The following ZMYND11 variants were observed in gnomAD, a reference collection of about 807,000 sequenced individuals.
The protein encoded by ZMYND11 is zinc finger MYND-type containing 11, also known as zinc finger MYND domain-containing protein 11.
In ZMYND11, 9 loss-of-function variants were observed where a neutral mutation model predicts 84.9. That is an observed-to-expected ratio of 0.11 (90% confidence interval 0.06 to 0.18). The LOEUF (loss-of-function observed/expected upper bound fraction) is 0.18. Among genes scored for constraint, ZMYND11 ranks in the 10% least tolerant of loss-of-function variants. The probability of loss-of-function intolerance (pLI) is 1.00; values close to 1 mark genes in which losing one functional copy is unlikely to be tolerated. For missense variants in ZMYND11, 409 were observed against 761.0 expected (o/e 0.54, Z 5.44); for synonymous variants, 250 against 244.1 (o/e 1.02, Z -0.23).
At chr10:158,141 T>C (rs1282805270) in intron 1 of ZMYND11, among the ~76,000 whole-genome samples, 4 of 152,174 alleles carry the variant, frequency 2.6e-5, no homozygotes, top group Admixed American at 2.6e-4. Flanking sequence ...GACATTTGGG[T>C]TTTTTCCACT....
chr10:234,734 GAAC>G (rs1949638434), intron 4 of ZMYND11, among the ~76,000 whole-genome samples: 1 of 152,142 alleles, frequency 6.6e-6, no homozygotes, highest in African/African-American at 2.4e-5. Flanking sequence ...TAAGCGCCAA[GAAC>G]AACGTAGCAA....
At chr10:237,537 C>CT (rs748549759) in intron 5 of ZMYND11, 48 bp from the exon 6 acceptor site, 1 of 1,190,334 alleles carries the variant, frequency 8.4e-7, no homozygotes, top group South Asian at 1.4e-5. Context: ...GATGTCTTAC[C>CT]TGCCTTCCTT....
At chr10:232,404 C>T (rs1332148166) in intron 4 of ZMYND11, among the ~76,000 whole-genome samples, 1 of 152,188 alleles carries the variant, frequency 6.6e-6, no homozygotes, top group African/African-American at 2.4e-5. Flanking sequence ...GAAAGAAAAC[C>T]CTCAAGTTTT....
chr10:252,305 T>A lies in ZMYND11; in HGVS notation c.1687-43T>A. On this transcript the variant is annotated intron_variant, in intron 14 of 14. Coordinates refer to ENST00000381604, the MANE Select transcript of ZMYND11 (RefSeq NM_001370100.5). This position sits in a 1 kb window ranked among gnomAD's most constrained non-coding sequence, Gnocchi z 4.6. ...GCCATTTTAACCAGTCGCTTACACATCCACACCCAAGTCTAAAGACTGCCC... is the reference window on the plus strand; with the variant it reads ...GCCATTTTAACCAGTCGCTTACACAACCACACCCAAGTCTAAAGACTGCCC... The A allele has an allele frequency of 6.2e-7, 1 of 1,608,470 alleles. No homozygotes were observed. The highest frequency in any genetic ancestry group is 1.3e-5 in the African/African-American group (1 of 74,826).
At chr10:219,822 T>TA (rs1270203092) in intron 3 of ZMYND11, among the ~76,000 whole-genome samples, 4 of 152,178 alleles carry the variant, frequency 2.6e-5, no homozygotes, top group Admixed American at 2.0e-4. Flanking sequence ...AGCAAATAAC[T>TA]AAAAATGGTC....
Position 234,589 on chromosome 10 carries a change from A to G in ZMYND11, c.439-2249A>G, listed in dbSNP as rs541004721. On this transcript the variant is annotated intron_variant, in intron 4 of 14. Transcript: ENST00000381604. Reference sequence around the variant, plus strand: ...ATTGCTATTATGTCTGAGTTTAGATAAATTCATATTTTAATGACATTGATA... The same window carrying G: ...ATTGCTATTATGTCTGAGTTTAGATGAATTCATATTTTAATGACATTGATA... Among the ~76,000 whole-genome samples, 20 of 152,332 alleles carry G rather than the reference A, an allele frequency of 1.3e-4. No homozygotes were observed. The South Asian group carries it at 3.1e-3, about 24-fold the overall frequency.
At chr10:175,666 A>G (rs1044541830) in intron 1 of ZMYND11, among the ~76,000 whole-genome samples, 1 of 152,216 alleles carries the variant, frequency 6.6e-6, no homozygotes, top group Non-Finnish European at 1.5e-5. Context: ...GCAATGATAA[A>G]GGAATACATA....
At chr10:154,325 T>C (rs1841164205) in intron 1 of ZMYND11, among the ~76,000 whole-genome samples, 1 of 152,186 alleles carries the variant, frequency 6.6e-6, no homozygotes, top group African/African-American at 2.4e-5. Context: ...GTAAGGCACA[T>C]CACAGCCTTC....
At chr10:170,061 C>T (rs1173202304) in intron 1 of ZMYND11, among the ~76,000 whole-genome samples, 1 of 151,998 alleles carries the variant, frequency 6.6e-6, no homozygotes, top group African/African-American at 2.4e-5. Context: ...TATAGAGGAG[C>T]ACAGTTAAGA....
chr10:141,014 G>A (rs1554753842), intron 1 of ZMYND11, among the ~76,000 whole-genome samples: 1 of 152,196 alleles, frequency 6.6e-6, no homozygotes, highest in Non-Finnish European at 1.5e-5. Flanking sequence ...GTTTTTCAGA[G>A]ATGAGAGGGA....
At chr10:215,650 T>A (rs999725820) in intron 3 of ZMYND11, among the ~76,000 whole-genome samples, 1 of 151,608 alleles carries the variant, frequency 6.6e-6, no homozygotes, top group Admixed American at 6.6e-5. Context: ...CTTGACCTCC[T>A]GGCCTCAAGC....
At chr10:189,099 T>C (rs1939597300) in intron 2 of ZMYND11, among the ~76,000 whole-genome samples, 1 of 152,202 alleles carries the variant, frequency 6.6e-6, no homozygotes, top group African/African-American at 2.4e-5. Context: ...CGTTGCTTAC[T>C]TTACGGTCAG....
chr10:155,253 A>C (rs1391960625), intron 1 of ZMYND11, among the ~76,000 whole-genome samples: 2 of 152,230 alleles, frequency 1.3e-5, no homozygotes, highest in African/African-American at 4.8e-5. Context: ...ATTTGACTAC[A>C]TACAATTTAA....
intron 2 of ZMYND11, among the ~76,000 whole-genome samples, chr10:196,028 T>C (rs1941641439): frequency 6.6e-6 from 1 of 152,206 alleles, no homozygotes; most frequent in Non-Finnish European, 1.5e-5. Context: ...GTTGTACTGT[T>C]CCCTGATGAC....
At chr10:158,583 A>AT (rs375793309) in intron 1 of ZMYND11, among the ~76,000 whole-genome samples, 1,725 of 132,334 alleles carry the variant, frequency 0.013, 31 homozygotes, top group African/African-American at 0.032. Context: ...TACCCAGCTA[A>AT]TTTTTTTTTT....
intron 1 of ZMYND11, among the ~76,000 whole-genome samples, chr10:171,683 T>G (rs189182019): frequency 4.8e-3 from 726 of 152,286 alleles, no homozygotes; most frequent in Non-Finnish European, 8.0e-3. Flanking sequence ...AACCCAACAT[T>G]CTTTCATAAA....
chr10:237,180 C>A (rs1307128291), intron 5 of ZMYND11, among the ~76,000 whole-genome samples: 2 of 152,118 alleles, frequency 1.3e-5, no homozygotes, highest in African/African-American at 4.8e-5. Context: ...GAATTTCATT[C>A]ATCAGAATGA....
At chr10:214,758 G>A (rs542376609) in intron 3 of ZMYND11, among the ~76,000 whole-genome samples, 1 of 152,220 alleles carries the variant, frequency 6.6e-6, no homozygotes, top group Non-Finnish European at 1.5e-5. Context: ...CAAGACACAT[G>A]GATGGCTGCA....
At chr10:198,048 C>A in intron 2 of ZMYND11, 1 of 562,804 alleles carries the variant, frequency 1.8e-6, no homozygotes, top group South Asian at 2.4e-5. Context: ...GGGGATAGGT[C>A]TAATTTAATA....
Sources: allele counts gnomAD v4.1 joint callset (sites outside exome capture counted in the v4.1 genomes callset), GRCh38; gene constraint gnomAD v4.1.1; non-coding constraint Gnocchi (gnomAD v3.1); transcripts MANE v1.5; gene names NCBI Gene and HGNC (gene_info 2026-07-23, HGNC 2026-07-21).